MS4A10: variants seen among roughly 807,000 people sequenced by gnomAD.
The protein encoded by MS4A10 is membrane-spanning 4-domains subfamily A member 10.
Under a neutral mutation model 27.7 loss-of-function variants are expected in MS4A10, and 27 were observed. That is an observed-to-expected ratio of 0.98 (90% CI 0.72 to 1.35). MS4A10 has a LOEUF of 1.35. Ranked by LOEUF, MS4A10 falls within the 40% of genes most tolerant of loss-of-function variation. MS4A10 has a pLI of 0.00. For synonymous variants in MS4A10, 139 were observed against 131.2 expected (o/e 1.06, Z -0.41); for missense variants, 338 against 324.7 (o/e 1.04, Z -0.32).
At chr11:60,791,137 G>A in intron 3 of MS4A10, 44 bp downstream of exon 3, 1 of 1,608,186 alleles carries the variant, frequency 6.2e-7, no homozygotes, top group Non-Finnish European at 8.5e-7. Flanking sequence ...GAGTCTGCAA[G>A]GCAGGCCTGG....
intron 1 of MS4A10, among the ~76,000 whole-genome samples, chr11:60,787,401 T>A (rs529432836): frequency 6.6e-6 from 1 of 152,336 alleles, no homozygotes; most frequent in South Asian, 2.1e-4. Context: ...TGGAAAGGCG[T>A]ACGAGAGAGT....
rs11230477 is a variant in MS4A10, at chr11:60,790,587, G to T, written c.183+69G>T. 598 of 1,563,216 alleles carry T rather than the reference G, an allele frequency of 3.8e-4. 1 individual carries two copies. In the East Asian group the frequency reaches 0.012, roughly 32 times the overall value. On this transcript the variant is annotated intron_variant, in intron 2 of 7. Transcript: ENST00000308287. ...AGAGGGGGATATGAGGAGGATGCTGGGGGGCCCCAAGGGAAGAAAGGGAAA... is the reference window on the plus strand; with the variant it reads ...AGAGGGGGATATGAGGAGGATGCTGTGGGGCCCCAAGGGAAGAAAGGGAAA...
chr11:60,799,656 C>CT (rs1259549996), intron 7 of MS4A10, among the ~76,000 whole-genome samples, 172 bp from the exon 8 acceptor site: 1 of 152,214 alleles, frequency 6.6e-6, no homozygotes, highest in Non-Finnish European at 1.5e-5. Flanking sequence ...CACCCTTGCC[C>CT]TTCCTCCACC....
chr11:60,799,591 A>G (rs993741549), intron 7 of MS4A10, among the ~76,000 whole-genome samples: 11 of 151,908 alleles, frequency 7.2e-5, no homozygotes, highest in Non-Finnish European at 1.6e-4. Context: ...CCCAGCCACC[A>G]TGGCTTCCTT....
chr11:60,792,381 G>A (rs1590998043), intron 4 of MS4A10, 60 bp downstream of exon 4: 1 of 1,295,260 alleles, frequency 7.7e-7, no homozygotes, highest in South Asian at 1.2e-5. Context: ...TTTGTTAAGG[G>A]CATCTGTCTG....
intron 6 of MS4A10, among the ~76,000 whole-genome samples, chr11:60,796,584 C>G (rs868365755): frequency 3.9e-5 from 6 of 152,196 alleles, no homozygotes; most frequent in African/African-American, 1.4e-4. Flanking sequence ...TCATGCCCAG[C>G]CCTCAACAAC....
At chr11:60,789,728 G>A (rs182517377) in intron 1 of MS4A10, among the ~76,000 whole-genome samples, 1 of 152,312 alleles carries the variant, frequency 6.6e-6, no homozygotes, top group Admixed American at 6.5e-5. Flanking sequence ...ATCAGGTAAT[G>A]CACGTAGAAG....
rs149290333 is a variant in MS4A10 at position 60,798,455 on chromosome 11, G to A, written c.663G>A (p.Glu221=). 152 of 1,614,080 alleles carry A rather than the reference G, an allele frequency of 9.4e-5. 1 individual carries two copies. The African/African-American group carries it at 1.9e-3, about 20-fold the overall frequency. The change falls in exon 7 of 8, where the codon GAG becomes GAA. Residue 221 remains glutamate (E), a synonymous_variant. Coordinates refer to ENST00000308287, the MANE Select transcript of MS4A10 (RefSeq NM_206893.4). ...TGCATCTCAAAGGCCTGCCGGTGGA[G>A]CCCCCGCCATCCTACCAGAGTGTGA... ...TPLHLKGLPV[E]PPPSYQSVIQ...
Position 60,795,625 on chromosome 11 carries a change from C to A in MS4A10, c.563C>A (p.Thr188Lys), listed in dbSNP as rs1348239541. 1.3e-6 allele frequency: 2 copies of A among 1,595,514 alleles called. No individual in the cohort carries two copies. Among genetic ancestry groups the A allele is most frequent in the Non-Finnish European group, 1.7e-6 (2 of 1,170,896 alleles). The change falls in exon 6 of 8, where the codon ACA becomes AAA. Residue 188 changes from threonine (T) to lysine (K), a missense_variant. Physicochemically the swap from Thr to Lys is moderately conservative, Grantham distance 78. Coordinates refer to ENST00000308287, the MANE Select transcript of MS4A10 (RefSeq NM_206893.4). ...CTAGAGCTCTTCCTGCCAGTGCCCA[C>A]AGCTGTCACAGCCTGGAGAGGGGAC... ...TVLELFLPVPTAVTAWRGDCP... is the reference protein window; with the variant it reads ...TVLELFLPVPKAVTAWRGDCP...
intron 1 of MS4A10, 135 bp from the exon 2 acceptor site, chr11:60,790,179 C>T: frequency 2.9e-6 from 2 of 694,728 alleles, no homozygotes; most frequent in Non-Finnish European, 4.8e-6. Flanking sequence ...AGACCAAGAC[C>T]AGGGGCTGCC....
intron 5 of MS4A10, 122 bp downstream of exon 5, chr11:60,794,225 C>T (rs1241488667): frequency 2.5e-5 from 28 of 1,110,988 alleles, no homozygotes; most frequent in Non-Finnish European, 3.1e-5. Flanking sequence ...GCTGCTGGGC[C>T]CTTTGCCAAC....
intron 1 of MS4A10, among the ~76,000 whole-genome samples, chr11:60,786,859 A>T (rs1854348480): frequency 6.6e-6 from 1 of 152,228 alleles, no homozygotes; most frequent in Non-Finnish European, 1.5e-5. Context: ...AGGGACAGGC[A>T]GTGGCACTCC....
intron 6 of MS4A10, among the ~76,000 whole-genome samples, chr11:60,796,758 G>A (rs1854540870): frequency 6.6e-6 from 1 of 152,062 alleles, no homozygotes; most frequent in Non-Finnish European, 1.5e-5. Context: ...ATGGCATAGG[G>A]CTAGATATAT....
intron 4 of MS4A10, 43 bp downstream of exon 4, chr11:60,792,364 G>C: frequency 7.0e-7 from 1 of 1,431,232 alleles, no homozygotes; most frequent in Non-Finnish European, 9.9e-7. Context: ...TCTGAGCATG[G>C]CATAACTTTG....
At chr11:60,798,724 G>A (rs1565084087) in intron 7 of MS4A10, among the ~76,000 whole-genome samples, 2 of 152,188 alleles carry the variant, frequency 1.3e-5, no homozygotes, top group African/African-American at 2.4e-5. Flanking sequence ...GGCCCCCCAG[G>A]AACATCTCAG....
chr11:60,786,941 C>A (rs1295251590), intron 1 of MS4A10, among the ~76,000 whole-genome samples: 1 of 152,220 alleles, frequency 6.6e-6, no homozygotes, highest in African/African-American at 2.4e-5. Context: ...CTCCGGGGAG[C>A]AGAGCCAGGA....
At chr11:60,796,228 G>C (rs1854530330) in intron 6 of MS4A10, among the ~76,000 whole-genome samples, 1 of 139,836 alleles carries the variant, frequency 7.2e-6, no homozygotes, top group Admixed American at 7.3e-5. Flanking sequence ...TGTATGGATG[G>C]ATATAGACGT....
Position 60,791,092 on chromosome 11 carries a change from CTG to C in MS4A10, c.303+2_303+3del. The C allele has an allele frequency of 3.7e-6, 6 of 1,613,972 alleles. No homozygotes were observed. The highest frequency in any genetic ancestry group is 5.1e-6 in the Non-Finnish European group (6 of 1,179,958). ...TGGTATCCATTCTGGGGGGCTGCCT[CTG>C]TGAGTAGAAGGCAAAACACAGACCG... On this transcript the variant is annotated splice_donor_variant and coding_sequence_variant, in exon 3 of 8. Coordinates refer to ENST00000308287, the MANE Select transcript of MS4A10 (RefSeq NM_206893.4). LOFTEE classifies it high-confidence loss of function.
chr11:60,793,965 C>T lies in MS4A10; in HGVS notation c.361-7C>T. 6.2e-7 allele frequency: 1 copy of T among 1,613,784 alleles called. No homozygotes were observed. Among genetic ancestry groups the T allele is most frequent in the South Asian group, 1.1e-5 (1 of 91,038 alleles). Reference sequence around the variant, plus strand: ...GGACAGCTGTTACCTTTATTTTTCACCTATAGAAGATGTTGTGCCTGATGA... The same window carrying T: ...GGACAGCTGTTACCTTTATTTTTCATCTATAGAAGATGTTGTGCCTGATGA... On this transcript the variant is annotated splice_polypyrimidine_tract_variant and splice_region_variant and intron_variant, in intron 4 of 7. Transcript: ENST00000308287.
Sources: gnomAD v4.1 joint callset for allele counts (sites outside exome capture counted in the v4.1 genomes callset) on GRCh38, gnomAD v4.1.1 for gene constraint, MANE v1.5 for transcripts, NCBI Gene and HGNC (gene_info 2026-07-23, HGNC 2026-07-21) for gene names.